Variants in SHOX observed in about 807,000 individuals in gnomAD.
SHOX encodes the protein short stature homeobox protein.
Under a neutral mutation model 29.6 loss-of-function variants are expected in SHOX, and 12 were observed. That is an observed-to-expected ratio of 0.41 (90% CI 0.26 to 0.66). The LOEUF is 0.66. Among genes scored for constraint, SHOX ranks in the 30% least tolerant of loss-of-function variants. SHOX has a pLI of 0.35. For missense variants in SHOX, 499 were observed against 437.7 expected (o/e 1.14, Z -1.25); for synonymous variants, 214 against 200.6 (o/e 1.07, Z -0.57).
intron 5 of SHOX, among the ~76,000 whole-genome samples, chrX:658,170 T>C (rs1479735813): frequency 6.6e-6 from 1 of 152,024 alleles, no homozygotes; most frequent in African/African-American, 2.4e-5. Context: ...AGATGAGGTT[T>C]TACCATGTTG....
intron 2 of SHOX, among the ~76,000 whole-genome samples, chrX:635,521 C>T (rs2052729566): frequency 6.6e-6 from 1 of 152,158 alleles, no homozygotes; most frequent in African/African-American, 2.4e-5. Context: ...CTCCTCCCTC[C>T]GGCTGTGGGG....
chrX:639,196 G>A (rs1490389177), intron 2 of SHOX, among the ~76,000 whole-genome samples: 1 of 152,188 alleles, frequency 6.6e-6, no homozygotes, highest in Admixed American at 6.5e-5. Flanking sequence ...CTGCGCTATT[G>A]CACTCAACTT....
rs1163267482 is a variant in SHOX at position 636,535 on chromosome X, A to G, written c.486+1709A>G. ...ATAAAATATATATATAAACATATAT[A>G]TACATATAAAAATATATATAAACAT... On this transcript the variant is annotated intron_variant, in intron 2 of 4. Coordinates refer to ENST00000686671, the MANE Select transcript of SHOX (RefSeq NM_000451.4). Among the ~76,000 whole-genome samples, 3 of 27,466 alleles carry G rather than the reference A, an allele frequency of 1.1e-4. 1 individual carries two copies. The highest frequency in any genetic ancestry group is 1.7e-4 in the Non-Finnish European group (3 of 17,816). 18.0% of individuals were successfully genotyped at this position (27,466 alleles called of 152,430 possible). A position where few individuals can be genotyped will look rare whatever the true frequency, so the allele number is the denominator to read the frequency against.
rs2052925331 is a variant in SHOX at position 644,393 on chromosome X, C to A, written c.636C>A (p.Val212=). The A allele has an allele frequency of 2.0e-6, 3 of 1,522,126 alleles. No individual in the cohort carries two copies. The highest frequency in any genetic ancestry group is 2.6e-6 in the Non-Finnish European group (3 of 1,142,332). 94.3% of individuals were successfully genotyped at this position (1,522,126 alleles called of 1,614,324 possible). The change falls in exon 5 of 5, where the codon GTC becomes GTA. Residue 212 remains valine, a splice_region_variant and synonymous_variant. Transcript: ENST00000686671. ...MGALRMPFQQ[V]QAQLQLEGVA... Reference sequence around the variant, plus strand: ...CCCCGCCGGGTCCGCTCCCGCAGGTCCAGGCTCAGCTGCAGCTGGAAGGCG... The same window carrying A: ...CCCCGCCGGGTCCGCTCCCGCAGGTACAGGCTCAGCTGCAGCTGGAAGGCG...
intron 4 of SHOX, 135 bp from the exon 5 acceptor site, chrX:644,256 T>C: frequency 8.9e-7 from 1 of 1,125,928 alleles, no homozygotes; most frequent in Non-Finnish European, 1.2e-6. Context: ...GGGTGTGGGG[T>C]GGTCTCCACG....
At position 649,234 on chromosome X, in the gene SHOX, T is replaced by C. The variant is rs886584054; in HGVS notation, c.*4598T>C. On this transcript the variant is annotated 3_prime_UTR_variant, in exon 5 of 5. Coordinates refer to ENST00000686671, the MANE Select transcript of SHOX (RefSeq NM_000451.4). ...TGTATTTTTTAGTAGAGACCGGGTT[T>C]CGCCATGTTGGCCAGGCTGGTCTTG... Among the ~76,000 whole-genome samples, 2 of 152,048 alleles carry C rather than the reference T, an allele frequency of 1.3e-5. No individual in the cohort carries two copies. Among genetic ancestry groups the C allele is most frequent in the Non-Finnish European group, 2.9e-5 (2 of 68,006 alleles).
rs975048211 is a variant in SHOX, at chrX:649,149, T to C, written c.*4513T>C. ...ACCTCCTGGCTTCAAGAAATTCTCC[T>C]GCCTCAGCCTCCCAAGTAGCTGGGA... On this transcript the variant is annotated 3_prime_UTR_variant, in exon 5 of 5. Coordinates refer to ENST00000686671, the MANE Select transcript of SHOX (RefSeq NM_000451.4). Among the ~76,000 whole-genome samples, 3 of 151,954 alleles carry C rather than the reference T, an allele frequency of 2.0e-5. No homozygotes were observed. Among genetic ancestry groups the C allele is most frequent in the Admixed American group, 2.0e-4 (3 of 15,230 alleles).
At chrX:626,681 C>G (rs1468884855), upstream of SHOX, among the ~76,000 whole-genome samples, 1 of 140,778 alleles carries the variant, frequency 7.1e-6, no homozygotes, top group East Asian at 2.0e-4. Context: ...GTATCTCTGT[C>G]TATCTCTGTC....
chrX:634,861 G>A (rs1292765471), intron 2 of SHOX, 35 bp downstream of exon 2: 2 of 1,542,622 alleles, frequency 1.3e-6, no homozygotes, highest in Middle Eastern at 2.2e-4. Flanking sequence ...GGGGCCCGGA[G>A]CCATCGCCTG....
intron 5 of SHOX, among the ~76,000 whole-genome samples, chrX:657,174 C>A (rs1339019357): frequency 1.3e-5 from 2 of 152,068 alleles, no homozygotes; most frequent in African/African-American, 4.8e-5. Context: ...GCCATCTCCA[C>A]AACCAAGAAA....
chrX:630,021 T>C (rs774877129), upstream of SHOX, among the ~76,000 whole-genome samples: 264 of 152,184 alleles, frequency 1.7e-3, 1 homozygote, highest in African/African-American at 5.8e-3. Flanking sequence ...CGCCGGGATC[T>C]GGCGCGGGCG....
intron 2 of SHOX, among the ~76,000 whole-genome samples, chrX:637,260 G>C (rs2124175167): frequency 6.6e-6 from 1 of 152,188 alleles, no homozygotes; most frequent in South Asian, 2.1e-4. Flanking sequence ...ATAAATTAAT[G>C]AAAAGATTAA....
At position 645,628 on chromosome X, in the gene SHOX, G is replaced by T. The variant is rs1259452118; in HGVS notation, c.*992G>T. ...AAAAGGCGTTACCTCTTCTCCCAGCGCTGGCCGCCTGGCCACTGAGGGCCC... is the reference window on the plus strand; with the variant it reads ...AAAAGGCGTTACCTCTTCTCCCAGCTCTGGCCGCCTGGCCACTGAGGGCCC... On this transcript the variant is annotated 3_prime_UTR_variant, in exon 5 of 5. Coordinates refer to ENST00000686671, the MANE Select transcript of SHOX (RefSeq NM_000451.4). 4 of 152,012 alleles carry T rather than the reference G, an allele frequency of 2.6e-5. No homozygotes were observed. The highest frequency in any genetic ancestry group is 5.9e-5 in the Non-Finnish European group (4 of 68,006). 9.4% of individuals were successfully genotyped at this position (152,012 alleles called of 1,614,324 possible).
At chrX:635,808 C>T (rs1164241824) in intron 2 of SHOX, among the ~76,000 whole-genome samples, 3 of 151,952 alleles carry the variant, frequency 2.0e-5, no homozygotes, top group African/African-American at 7.3e-5. Flanking sequence ...GGAAGGTCAA[C>T]TCCTCTAGTC....
downstream of SHOX, among the ~76,000 whole-genome samples, chrX:654,646 C>T (rs753366766): frequency 3.3e-5 from 5 of 152,206 alleles, no homozygotes; most frequent in East Asian, 3.9e-4. Flanking sequence ...TGCTCTCCTA[C>T]GGTTGAAGCT....
upstream of SHOX, among the ~76,000 whole-genome samples, chrX:627,288 TG>T (rs1377621937): frequency 6.6e-6 from 1 of 152,134 alleles, no homozygotes; most frequent in African/African-American, 2.4e-5. Context: ...GAAAAACGTG[TG>T]GGGTAGAAAA....
chrX:635,261 T>C (rs1479638846), intron 2 of SHOX, among the ~76,000 whole-genome samples: 4 of 152,064 alleles, frequency 2.6e-5, no homozygotes, highest in Non-Finnish European at 5.9e-5. Flanking sequence ...GAGACGAAGC[T>C]ACAGATGCGT....
upstream of SHOX, chrX:630,679 C>A (rs1038786475): frequency 1.6e-6 from 1 of 620,780 alleles, no homozygotes; most frequent in East Asian, 2.7e-5. Flanking sequence ...CACAGCGTCT[C>A]TGCGTGCGTC....
upstream of SHOX, among the ~76,000 whole-genome samples, chrX:627,735 A>G (rs1308954242): frequency 6.6e-6 from 1 of 152,060 alleles, no homozygotes; most frequent in Admixed American, 6.6e-5. Context: ...GGTAGAGCGG[A>G]GTTTCCTACT....
Sources: gnomAD v4.1 joint callset for allele counts (sites outside exome capture counted in the v4.1 genomes callset) on GRCh38, gnomAD v4.1.1 for gene constraint, MANE v1.5 for transcripts, NCBI Gene and HGNC (gene_info 2026-07-23, HGNC 2026-07-21) for gene names.